Variants in LAMA2 observed in about 807,000 individuals in gnomAD.
The protein encoded by LAMA2 is laminin subunit alpha-2.
A neutral mutation model predicts 364.8 loss-of-function variants in LAMA2; 269 were observed. That is an observed-to-expected ratio of 0.74 (90% CI 0.67 to 0.82). The LOEUF is 0.82. Among genes scored for constraint, LAMA2 ranks in the 40% least tolerant of loss-of-function variants. The pLI, the probability that LAMA2 is intolerant of heterozygous loss-of-function variation, is 0.00. For missense variants in LAMA2, 3,807 were observed against 3,873.2 expected (o/e 0.98, Z 0.45); for synonymous variants, 1,379 against 1,370.6 (o/e 1.01, Z -0.14).
rs773663900 is a variant in LAMA2, at chr6:129,315,544, G to A, written c.3624G>A (p.Lys1208=). Reference sequence around the variant, plus strand: ...AGGCTCTGCAGCACACGACCACCAAGGGCATTGTTTTTCAACATCCAGAGA... The same window carrying A: ...AGGCTCTGCAGCACACGACCACCAAAGGCATTGTTTTTCAACATCCAGAGA... The part of the protein sequence containing the change: ...VDEALQHTTT[K]GIVFQHPEIV... The change falls in exon 25 of 65, where the codon AAG becomes AAA. Residue 1208 remains lysine (K), a synonymous_variant. Coordinates refer to ENST00000421865, the MANE Select transcript of LAMA2 (RefSeq NM_000426.4). 6.2e-7 allele frequency: 1 copy of A among 1,614,202 alleles called. No individual in the cohort carries two copies. Among genetic ancestry groups the A allele is most frequent in the Admixed American group, 1.7e-5 (1 of 60,022 alleles).
At chr6:129,258,799 T>C (rs1456773849) in intron 14 of LAMA2, among the ~76,000 whole-genome samples, 2 of 152,056 alleles carry the variant, frequency 1.3e-5, no homozygotes, top group Non-Finnish European at 2.9e-5. Flanking sequence ...CATTTTTCAT[T>C]GACAGGGTTC....
intron 7 of LAMA2, among the ~76,000 whole-genome samples, chr6:129,150,720 A>G (rs1466459511): frequency 6.6e-6 from 1 of 152,184 alleles, no homozygotes; most frequent in Non-Finnish European, 1.5e-5. Context: ...AAACATTTTA[A>G]AAACGCAGAA....
At chr6:129,150,301 A>G (rs971511081) in intron 7 of LAMA2, among the ~76,000 whole-genome samples, 2 of 152,122 alleles carry the variant, frequency 1.3e-5, no homozygotes, top group Non-Finnish European at 2.9e-5. Flanking sequence ...GAGAACAGAC[A>G]TTTGTTCTTA....
intron 48 of LAMA2, among the ~76,000 whole-genome samples, chr6:129,457,063 G>A (rs987601555): frequency 6.6e-6 from 1 of 152,220 alleles, no homozygotes. Flanking sequence ...TTGATTAAAT[G>A]GAATTAGGTG....
chr6:129,390,493 G>T (rs990276734), intron 35 of LAMA2, among the ~76,000 whole-genome samples: 1 of 151,860 alleles, frequency 6.6e-6, no homozygotes, highest in Non-Finnish European at 1.5e-5. Context: ...GAGATCTTCG[G>T]ATACACCCTT....
chr6:129,215,094 C>A (rs1783342647), intron 12 of LAMA2, among the ~76,000 whole-genome samples: 1 of 152,090 alleles, frequency 6.6e-6, no homozygotes, highest in Admixed American at 6.6e-5. Flanking sequence ...TATAGGAAAG[C>A]AATTGACTTT....
chr6:128,962,183 T>TACACACAC (rs1242291382), intron 1 of LAMA2, among the ~76,000 whole-genome samples: 22 of 113,926 alleles, frequency 1.9e-4, no homozygotes, highest in African/African-American at 1.6e-4. Flanking sequence ...TATATATATA[T>TACACACAC]ATACACACAT....
intron 32 of LAMA2, among the ~76,000 whole-genome samples, chr6:129,360,242 G>A (rs1268690185): frequency 6.6e-6 from 1 of 152,152 alleles, no homozygotes; most frequent in African/African-American, 2.4e-5. Flanking sequence ...GTTGTTTACA[G>A]AATGTGAATA....
chr6:129,292,696 A>G, intron 20 of LAMA2: 1 of 515,754 alleles, frequency 1.9e-6, no homozygotes, highest in Non-Finnish European at 2.5e-6. Flanking sequence ...CTCCGATGTC[A>G]AACTGGCCTT....
intron 1 of LAMA2, among the ~76,000 whole-genome samples, chr6:128,927,056 G>C (rs1779146804): frequency 6.6e-6 from 1 of 152,162 alleles, no homozygotes; most frequent in Non-Finnish European, 1.5e-5. Context: ...AGATCTGGTG[G>C]ATTCTAAAGG....
intron 17 of LAMA2, among the ~76,000 whole-genome samples, chr6:129,278,325 G>GT (rs1476846724): frequency 1.3e-5 from 2 of 152,188 alleles, no homozygotes; most frequent in African/African-American, 2.4e-5. Flanking sequence ...TTCAATCAGT[G>GT]TAGTCCCACA....
At chr6:128,924,624 C>T (rs945094902) in intron 1 of LAMA2, among the ~76,000 whole-genome samples, 1 of 151,982 alleles carries the variant, frequency 6.6e-6, no homozygotes, top group African/African-American at 2.4e-5. Context: ...ATTTATACTC[C>T]CCTCTTAGAT....
chr6:129,097,399 T>G (rs915219130), intron 3 of LAMA2, among the ~76,000 whole-genome samples: 11 of 152,258 alleles, frequency 7.2e-5, no homozygotes, highest in Non-Finnish European at 1.2e-4. Context: ...TTTTTACGTC[T>G]TCAAATTCTA....
chr6:129,247,993 C>A (rs963365968), intron 12 of LAMA2, among the ~76,000 whole-genome samples: 1 of 152,110 alleles, frequency 6.6e-6, no homozygotes, highest in Non-Finnish European at 1.5e-5. Flanking sequence ...CCCCAACTCC[C>A]GGGCTATACA....
chr6:129,091,272 A>G (rs1774808983), intron 3 of LAMA2, among the ~76,000 whole-genome samples: 1 of 152,188 alleles, frequency 6.6e-6, no homozygotes, highest in Non-Finnish European at 1.5e-5. Flanking sequence ...ACCCTTTTGA[A>G]AAACAATTTC....
intron 3 of LAMA2, among the ~76,000 whole-genome samples, chr6:129,089,508 GAC>G: frequency 6.6e-6 from 1 of 152,158 alleles, no homozygotes; most frequent in East Asian, 1.9e-4. Context: ...TGTACTCTGT[GAC>G]AGTTTCATTG....
At chr6:129,287,623 A>AT (rs779662571) in intron 18 of LAMA2, among the ~76,000 whole-genome samples, 43 of 152,080 alleles carry the variant, frequency 2.8e-4, no homozygotes, top group Middle Eastern at 3.4e-3. Context: ...AAGATTATAT[A>AT]TTTTTTTCGG....
intron 60 of LAMA2, 107 bp downstream of exon 60, chr6:129,503,387 G>A (rs1034244424): frequency 9.9e-7 from 1 of 1,008,428 alleles, no homozygotes; most frequent in Non-Finnish European, 1.5e-6. Flanking sequence ...ACTGACTCTG[G>A]CAGAAGCTAA....
intron 1 of LAMA2, among the ~76,000 whole-genome samples, chr6:129,020,998 C>T (rs1785417744): frequency 6.6e-6 from 1 of 152,212 alleles, no homozygotes; most frequent in Admixed American, 6.5e-5. Flanking sequence ...GATTATGTCT[C>T]TTAATATAAT....
Sources: gnomAD v4.1 joint callset for allele counts (sites outside exome capture counted in the v4.1 genomes callset) on GRCh38, gnomAD v4.1.1 for gene constraint, MANE v1.5 for transcripts, NCBI Gene and HGNC (gene_info 2026-07-23, HGNC 2026-07-21) for gene names.